Variants in UBE4B observed in about 807,000 individuals in gnomAD.
UBE4B encodes ubiquitination factor E4B, also known as ubiquitin conjugation factor E4 B.
In UBE4B, 27 loss-of-function variants were observed where a neutral mutation model predicts 148.1. That is an observed-to-expected ratio of 0.18 (90% CI 0.13 to 0.25). The LOEUF is 0.25. UBE4B is among the 10% of genes least tolerant of loss of function. The probability of loss-of-function intolerance (pLI) is 1.00; values close to 1 mark genes in which losing one functional copy is unlikely to be tolerated. For synonymous variants in UBE4B, 596 were observed against 619.3 expected (o/e 0.96, Z 0.56); for missense variants, 1,170 against 1,662.4 (o/e 0.70, Z 5.15).
At chr1:10,060,879 G>A (rs1194115040) in intron 1 of UBE4B, among the ~76,000 whole-genome samples, 1 of 151,896 alleles carries the variant, frequency 6.6e-6, no homozygotes, top group Non-Finnish European at 1.5e-5. Context: ...GAGTAGTTAC[G>A]ACTACAGGCA....
intron 7 of UBE4B, among the ~76,000 whole-genome samples, chr1:10,112,934 T>C (rs1333897744): frequency 6.6e-6 from 1 of 152,212 alleles, no homozygotes. Flanking sequence ...ACATTTCCTG[T>C]TTGGTTAAAG....
chr1:10,136,667 C>T (rs1645690631), intron 16 of UBE4B, among the ~76,000 whole-genome samples: 2 of 152,234 alleles, frequency 1.3e-5, no homozygotes, highest in South Asian at 4.2e-4. Flanking sequence ...CGCCTGTAAT[C>T]CCAGCACTTT....
Position 10,168,076 on chromosome 1 carries a change from G to T in UBE4B, c.3199-60G>T. 1.9e-6 allele frequency: 3 copies of T among 1,555,524 alleles called. No homozygotes were observed. Among genetic ancestry groups the T allele is most frequent in the Non-Finnish European group, 2.6e-6 (3 of 1,147,842 alleles). The stretch of plus-strand genomic sequence containing the variant: ...CGCACTTTCCAGTTATGTGCTTGGC[G>T]CTTTGCTGAGCTGATGACCAGGACC... On this transcript the variant is annotated intron_variant, in intron 23 of 27. Coordinates refer to ENST00000343090, the MANE Select transcript of UBE4B (RefSeq NM_001105562.3). This position sits in a 1 kb window ranked among gnomAD's most constrained non-coding sequence, Gnocchi z 4.9.
At position 10,148,321 on chromosome 1, in the gene UBE4B, T is replaced by C. The variant is rs1312439378; in HGVS notation, c.2592-863T>C. On this transcript the variant is annotated intron_variant, in intron 19 of 27. Coordinates refer to ENST00000343090, the MANE Select transcript of UBE4B (RefSeq NM_001105562.3). ...TTTTATTTCCTTCCCATTTTACTTA[T>C]TGCATTAACCTTAGCAAGAAGTCAA... is the stretch of plus-strand genomic sequence containing the variant. Among the ~76,000 whole-genome samples, 3 of 152,048 alleles carry C rather than the reference T, an allele frequency of 2.0e-5. No individual in the cohort carries two copies. In the South Asian group the frequency reaches 6.2e-4, roughly 32 times the overall value.
At chr1:10,054,206 G>A (rs1370314808) in intron 1 of UBE4B, among the ~76,000 whole-genome samples, 1 of 151,832 alleles carries the variant, frequency 6.6e-6, no homozygotes, top group East Asian at 1.9e-4. Flanking sequence ...CAAATATTTT[G>A]TAAGTAATAT....
intron 19 of UBE4B, among the ~76,000 whole-genome samples, chr1:10,147,391 G>T (rs1179093687): frequency 6.6e-6 from 1 of 152,114 alleles, no homozygotes; most frequent in Non-Finnish European, 1.5e-5. Context: ...TACTCAGGAG[G>T]CTGAGGCATG....
rs1045427991 is a variant in UBE4B, at chr1:10,153,490, T to TAAA, written c.2926+1955_2926+1957dup. 5.8e-3 allele frequency among the ~76,000 whole-genome samples: 286 copies of TAAA among 49,194 alleles called. 9 individuals are homozygous for TAAA. Among genetic ancestry groups the TAAA allele is most frequent in the African/African-American group, 0.014 (159 of 11,586 alleles). 32.3% of individuals were successfully genotyped at this position (49,194 alleles called of 152,430 possible). On this transcript the variant is annotated intron_variant, in intron 21 of 27. Coordinates refer to ENST00000343090, the MANE Select transcript of UBE4B (RefSeq NM_001105562.3). ...GTGAAACAAAGCAAGACCCTGTTTC[T>TAAA]AAAAAAAAAAAAAAAAAAAAAAAAA...
At chr1:10,063,984 G>A (rs970798674) in intron 1 of UBE4B, among the ~76,000 whole-genome samples, 3 of 151,472 alleles carry the variant, frequency 2.0e-5, no homozygotes, top group African/African-American at 7.3e-5. Context: ...TGTCTTTCTT[G>A]CCTTCACGAA....
chr1:10,072,429 T>C, intron 2 of UBE4B: 2 of 678,730 alleles, frequency 2.9e-6, no homozygotes, highest in Non-Finnish European at 5.1e-6. Context: ...TTTCCATAAC[T>C]TCCATCTTTT....
chr1:10,072,586 C>T (rs1644507733), intron 2 of UBE4B: 3 of 681,360 alleles, frequency 4.4e-6, no homozygotes, highest in South Asian at 1.6e-5. Flanking sequence ...AAATGAACAC[C>T]TCTAATTGCA....
Position 10,143,288 on chromosome 1 carries a change from G to A in UBE4B, c.2364-1652G>A, listed in dbSNP as rs563782262. Among the ~76,000 whole-genome samples the A allele has an allele frequency of 3.3e-5, 5 of 152,182 alleles. No individual in the cohort carries two copies. In the South Asian group the frequency reaches 1.0e-3, roughly 32 times the overall value. The stretch of plus-strand genomic sequence containing the variant: ...CTGGTGGCAGGTGTCTATAATTCCA[G>A]CTACTTGGGAGGCTGTGGCAGGAGA... On this transcript the variant is annotated intron_variant, in intron 17 of 27. Transcript: ENST00000343090.
chr1:10,047,999 C>G (rs1376767370), intron 1 of UBE4B, among the ~76,000 whole-genome samples: 1 of 152,086 alleles, frequency 6.6e-6, no homozygotes, highest in East Asian at 1.9e-4. Context: ...AGGTGTGTGC[C>G]ACTGTGCCCA....
Position 10,106,734 on chromosome 1 carries a change from ACT to A in UBE4B, c.1196+154_1196+155del. The A allele has an allele frequency of 9.2e-7, 1 of 1,085,532 alleles. No homozygotes were observed. Among genetic ancestry groups the A allele is most frequent in the Non-Finnish European group, 1.3e-6 (1 of 799,352 alleles). 67.2% of individuals were successfully genotyped at this position (1,085,532 alleles called of 1,614,324 possible). On this transcript the variant is annotated intron_variant, in intron 7 of 27. Coordinates refer to ENST00000343090, the MANE Select transcript of UBE4B (RefSeq NM_001105562.3). The surrounding 1 kb of genome is among the most constrained non-coding windows in gnomAD (Gnocchi z 4.2). ...TGGCTAACTAGTTTGGTAGGCACGT[ACT>A]CTGAGTCCATGCTTCTGCCAGGCTC... is the stretch of plus-strand genomic sequence containing the variant.
At chr1:10,138,486 C>T (rs138734215) in intron 17 of UBE4B, among the ~76,000 whole-genome samples, 13 of 152,026 alleles carry the variant, frequency 8.6e-5, no homozygotes, top group African/African-American at 2.2e-4. Context: ...CGACTGCCTC[C>T]GCCTCCCAAA....
At chr1:10,116,184 C>A (rs976229727) in intron 7 of UBE4B, among the ~76,000 whole-genome samples, 6 of 152,056 alleles carry the variant, frequency 3.9e-5, no homozygotes, top group African/African-American at 1.4e-4. Flanking sequence ...TCTTTGTCGC[C>A]CAGGCAGGAG....
chr1:10,105,313 A>G (rs566956096), intron 5 of UBE4B, among the ~76,000 whole-genome samples: 2 of 152,330 alleles, frequency 1.3e-5, no homozygotes, highest in Non-Finnish European at 1.5e-5. Context: ...TTATATAACC[A>G]TGGTACATTT....
intron 21 of UBE4B, among the ~76,000 whole-genome samples, chr1:10,156,521 C>T (rs1000117606): frequency 1.3e-5 from 2 of 151,914 alleles, no homozygotes; most frequent in Admixed American, 6.6e-5. Flanking sequence ...AATACAGATG[C>T]GGGGCCCTGC....
At chr1:10,037,584 G>A (rs1051312523) in intron 1 of UBE4B, among the ~76,000 whole-genome samples, 2 of 151,628 alleles carry the variant, frequency 1.3e-5, no homozygotes, top group Non-Finnish European at 2.9e-5. Context: ...TTGAGATAGG[G>A]TCTGGCTCTA....
intron 17 of UBE4B, 99 bp from the exon 18 acceptor site, chr1:10,144,841 A>G (rs1255668582): frequency 3.8e-6 from 3 of 780,838 alleles, no homozygotes; most frequent in Non-Finnish European, 6.1e-6. Context: ...CAATGCGAAA[A>G]CAAACAACTG....
Sources: gnomAD v4.1 joint callset for allele counts (sites outside exome capture counted in the v4.1 genomes callset) on GRCh38, gnomAD v4.1.1 for gene constraint, Gnocchi (gnomAD v3.1) non-coding constraint, MANE v1.5 for transcripts, NCBI Gene and HGNC (gene_info 2026-07-23, HGNC 2026-07-21) for gene names.